The following MUSK variants were observed in gnomAD, a reference collection of about 807,000 sequenced individuals.
MUSK encodes muscle, skeletal receptor tyrosine-protein kinase.
In MUSK, 55 loss-of-function variants were observed where a neutral mutation model predicts 88.7. That is an observed-to-expected ratio of 0.62 (90% confidence interval 0.50 to 0.78). The LOEUF (loss-of-function observed/expected upper bound fraction) is 0.78. Among genes scored for constraint, MUSK ranks in the 30% least tolerant of loss-of-function variants. MUSK has a pLI of 0.00. For missense variants in MUSK, 1,015 were observed against 1,074.3 expected, an observed-to-expected ratio of 0.94 and a Z score of 0.77; for synonymous variants, 387 against 391.9, an observed-to-expected ratio of 0.99 and a Z score of 0.15.
intron 5 of MUSK, chr9:110,727,458 C>T (rs1229701473): frequency 6.6e-6 from 1 of 152,008 alleles, no homozygotes; most frequent in Non-Finnish European, 1.5e-5. Context: ...ATCAGAAGTT[C>T]TTTGAGATGC....
chr9:110,777,043 A>T (rs180872377), intron 11 of MUSK, among the ~76,000 whole-genome samples: 25 of 152,268 alleles, frequency 1.6e-4, no homozygotes, highest in African/African-American at 6.0e-4. Context: ...GAGCCAATTC[A>T]TGATCTTCAT....
Position 110,805,612 on chromosome 9 carries a change from T to G in MUSK, c.*4624T>G, listed in dbSNP as rs1477723422. On this transcript the variant is annotated 3_prime_UTR_variant, in exon 15 of 15. Transcript: ENST00000374448. Reference sequence around the variant, plus strand: ...TTATCATGTTAAAAATATAGACTTCTATTTGTCTTTTATTGTAGGTTTTAT... The same window carrying G: ...TTATCATGTTAAAAATATAGACTTCGATTTGTCTTTTATTGTAGGTTTTAT... 1.3e-5 allele frequency among the ~76,000 whole-genome samples: 2 copies of G among 151,996 alleles called. No homozygotes were observed. Among genetic ancestry groups the G allele is most frequent in the African/African-American group, 4.8e-5 (2 of 41,446 alleles).
Position 110,668,880 on chromosome 9 carries a change from C to T in MUSK, c.-25C>T, listed in dbSNP as rs538723944. On this transcript the variant is annotated 5_prime_UTR_variant, in exon 1 of 15. Coordinates refer to ENST00000374448, the MANE Select transcript of MUSK (RefSeq NM_005592.4). The stretch of plus-strand genomic sequence containing the variant: ...TCCTTGCGTTGTCCAGAAGGAACTT[C>T]GTCCTGCGTGAGCCTGGATTAATCA... 8.1e-6 allele frequency: 13 copies of T among 1,595,704 alleles called. No individual in the cohort carries two copies. The African/African-American group carries it at 1.2e-4, about 15-fold the overall frequency.
At chr9:110,799,778 T>C (rs962601553) in intron 14 of MUSK, among the ~76,000 whole-genome samples, 6 of 152,190 alleles carry the variant, frequency 3.9e-5, no homozygotes, top group African/African-American at 1.4e-4. Flanking sequence ...GTAGGTTCTC[T>C]GTGAAAGGAT....
intron 14 of MUSK, among the ~76,000 whole-genome samples, chr9:110,791,161 G>C (rs926745636): frequency 6.6e-6 from 1 of 151,672 alleles, no homozygotes; most frequent in African/African-American, 2.4e-5. Context: ...CGTGAGCGAC[G>C]CAGAAGACGG....
Position 110,802,736 on chromosome 9 carries a change from CCTGT to C in MUSK, c.*1751_*1754del, listed in dbSNP as rs1205915790. ...TGACTCAACCTCTACCGTTGCCCAC[CCTGT>C]CTATTAGCTGGCCTTCCTCTCATTT... On this transcript the variant is annotated 3_prime_UTR_variant, in exon 15 of 15. Transcript: ENST00000374448. Among the ~76,000 whole-genome samples, 44 of 152,154 alleles carry C rather than the reference CCTGT, an allele frequency of 2.9e-4. No individual in the cohort carries two copies. Among genetic ancestry groups the C allele is most frequent in the Admixed American group, 2.8e-3 (42 of 15,268 alleles).
chr9:110,689,929 AAT>A (rs2076291803), intron 3 of MUSK, among the ~76,000 whole-genome samples: 1 of 92,658 alleles, frequency 1.1e-5, no homozygotes, highest in Non-Finnish European at 1.8e-5. Context: ...ATTTAAATAT[AAT>A]ATATAAATAT....
intron 5 of MUSK, 39 bp downstream of exon 5, chr9:110,697,505 G>C: frequency 6.3e-7 from 1 of 1,590,620 alleles, no homozygotes; most frequent in Non-Finnish European, 8.6e-7. Context: ...GTGTGACCAG[G>C]GGCCTCACTG....
chr9:110,707,237 T>C (rs778121639), intron 5 of MUSK, among the ~76,000 whole-genome samples: 34 of 152,228 alleles, frequency 2.2e-4, no homozygotes, highest in African/African-American at 8.2e-4. Flanking sequence ...ACCATACAAA[T>C]CAAATCTTTT....
In MUSK at chr9:110,767,955, C is replaced by T. The variant is rs1232456403; in HGVS notation, c.1056C>T (p.Val352=). 2.5e-6 allele frequency: 4 copies of T among 1,613,826 alleles called. No homozygotes were observed. In the South Asian group the frequency reaches 3.3e-5, roughly 13 times the overall value. The change falls in exon 9 of 15, where the codon GTC becomes GTT. Residue 352 remains valine, a synonymous_variant. Coordinates refer to ENST00000374448, the MANE Select transcript of MUSK (RefSeq NM_005592.4). ...ADPEEAQELL[V]HTAWNELKVV... is the part of the protein sequence containing the mutation. ...CTGAGGAGGCCCAAGAGCTACTGGT[C>T]CACACGGCCTGGAATGAACTGAAAG...
intron 11 of MUSK, among the ~76,000 whole-genome samples, chr9:110,780,359 CT>C (rs1353128732): frequency 6.6e-6 from 1 of 152,216 alleles, no homozygotes; most frequent in Non-Finnish European, 1.5e-5. Flanking sequence ...CTTGGATCTT[CT>C]TCCTTACCTC....
intron 1 of MUSK, among the ~76,000 whole-genome samples, chr9:110,676,962 G>A (rs978046420): frequency 3.3e-5 from 5 of 152,108 alleles, no homozygotes; most frequent in African/African-American, 1.2e-4. Flanking sequence ...CCAGCAAAGG[G>A]GAAAAACCTA....
At chr9:110,732,757 T>C (rs1377393922) in intron 5 of MUSK, among the ~76,000 whole-genome samples, 1 of 152,124 alleles carries the variant, frequency 6.6e-6, no homozygotes, top group Non-Finnish European at 1.5e-5. Flanking sequence ...AATAATCTCT[T>C]TTTGCCTTGA....
chr9:110,699,792 T>C (rs1198683262), intron 5 of MUSK, among the ~76,000 whole-genome samples: 1 of 152,148 alleles, frequency 6.6e-6, no homozygotes, highest in African/African-American at 2.4e-5. Context: ...GCAAATTAGT[T>C]ATGCAGTGAC....
Position 110,776,639 on chromosome 9 carries a change from C to A in MUSK, c.1368C>A (p.Asn456Lys). 6.3e-7 allele frequency: 1 copy of A among 1,598,222 alleles called. No homozygotes were observed. The highest frequency in any genetic ancestry group is 8.6e-7 in the Non-Finnish European group (1 of 1,168,196). Residue 456 changes from asparagine (N) to lysine (K), a missense_variant, in exon 11 of 15, where the codon AAC (asparagine) becomes AAA (lysine). Physicochemically the swap from Asn to Lys is moderately conservative, Grantham distance 94 (BLOSUM62 0). Transcript: ENST00000374448. ...TTATCCTTTCCCCTTCAGATTATAACAAAGAAAACCTAAAAAGTAAGTAAT... is the reference window on the plus strand; with the variant it reads ...TTATCCTTTCCCCTTCAGATTATAAAAAAGAAAACCTAAAAAGTAAGTAAT... ...ACARLPHLDY[N>K]KENLKTFPPM...
chr9:110,707,210 TA>T (rs1168682210), intron 5 of MUSK, among the ~76,000 whole-genome samples: 1 of 152,002 alleles, frequency 6.6e-6, no homozygotes, highest in Admixed American at 6.6e-5. Flanking sequence ...TAAAGTAAAA[TA>T]AAAATAAAAT....
In MUSK at chr9:110,769,072, C is replaced by CA. The variant is rs151059891; in HGVS notation, c.1184+990dup. Among the ~76,000 whole-genome samples the CA allele has an allele frequency of 2.4e-4, 36 of 152,178 alleles. No individual in the cohort carries two copies. In the East Asian group the frequency reaches 5.2e-3, roughly 22 times the overall value. The stretch of plus-strand genomic sequence containing the variant: ...GGCTAAACTTCAGTTTCCTCATCTG[C>CA]ACGGTAGAATTGAGAGGATTAAAGG... On this transcript the variant is annotated intron_variant, in intron 9 of 14. Transcript: ENST00000374448.
At chr9:110,676,349 T>TAA (rs1194908438) in intron 1 of MUSK, among the ~76,000 whole-genome samples, 158 of 138,978 alleles carry the variant, frequency 1.1e-3, no homozygotes, top group South Asian at 2.7e-3. Flanking sequence ...CACACATATA[T>TAA]TATATATTAT....
chr9:110,734,749 T>G (rs1564253658), intron 6 of MUSK, among the ~76,000 whole-genome samples: 2 of 152,142 alleles, frequency 1.3e-5, no homozygotes, highest in African/African-American at 4.8e-5. Flanking sequence ...CAGTGTCAGT[T>G]CAGCATTCTT....
Sources: allele counts gnomAD v4.1 joint callset (sites outside exome capture counted in the v4.1 genomes callset), GRCh38; gene constraint gnomAD v4.1.1; transcripts MANE v1.5; gene names NCBI Gene and HGNC (gene_info 2026-07-23, HGNC 2026-07-21).